The following CLEC9A variants were observed in gnomAD, a reference collection of about 807,000 sequenced individuals.
CLEC9A encodes C-type lectin domain family 9 member A.
In CLEC9A, 24 loss-of-function variants were observed where a neutral mutation model predicts 30.0. That is an observed-to-expected ratio of 0.80 (90% confidence interval 0.58 to 1.13). CLEC9A has a LOEUF of 1.13. Ranked by LOEUF, CLEC9A falls within the 50% of genes most tolerant of loss-of-function variation. CLEC9A has a pLI of 0.00. For synonymous variants in CLEC9A, 111 were observed against 96.8 expected (o/e 1.15, Z -0.86); for missense variants, 251 against 280.9 (o/e 0.89, Z 0.76).
At chr12:10,036,561 C>G (rs955910811) in intron 1 of CLEC9A, among the ~76,000 whole-genome samples, 7 of 152,184 alleles carry the variant, frequency 4.6e-5, no homozygotes, top group Non-Finnish European at 1.0e-4. Flanking sequence ...TAGTCAACAT[C>G]TTATTGCCCT....
chr12:10,054,606 T>C (rs180749381), intron 5 of CLEC9A, among the ~76,000 whole-genome samples: 5 of 152,336 alleles, frequency 3.3e-5, no homozygotes, highest in Admixed American at 2.6e-4. Flanking sequence ...TAATAACATA[T>C]TCTGATTCCA....
chr12:10,043,800 G>A (rs1476153329), intron 2 of CLEC9A, among the ~76,000 whole-genome samples: 2 of 151,968 alleles, frequency 1.3e-5, no homozygotes, highest in African/African-American at 4.8e-5. Flanking sequence ...TCATGCCTCA[G>A]CCTCCTGAGC....
chr12:10,061,186 G>A lies in CLEC9A; in HGVS notation c.232G>A (p.Ala78Thr), dbSNP rs762175291. ...QQEKLIQQERALLNFTEWKRS... is the reference protein window; with the variant it reads ...QQEKLIQQERTLLNFTEWKRS... The stretch of plus-strand genomic sequence containing the variant: ...AGAAAAACTCATCCAACAAGAGAGG[G>A]CACTGCTAAACTTTACAGAATGGAA... Residue 78 changes from alanine (A) to threonine (T), a missense_variant, in exon 6 of 9, where the codon GCA (alanine) becomes ACA (threonine). Ala to Thr is a moderately conservative substitution (Grantham distance 58, BLOSUM62 0). Transcript: ENST00000355819. 2 of 1,613,232 alleles carry A rather than the reference G, an allele frequency of 1.2e-6. No individual in the cohort carries two copies. The highest frequency in any genetic ancestry group is 2.2e-5 in the South Asian group (2 of 90,878).
chr12:10,039,338 T>C (rs1277745173), intron 1 of CLEC9A, among the ~76,000 whole-genome samples: 2 of 152,228 alleles, frequency 1.3e-5, no homozygotes, highest in Non-Finnish European at 2.9e-5. Context: ...CCAATTGTCC[T>C]ATACATAGCT....
intron 8 of CLEC9A, 144 bp from the exon 9 acceptor site, chr12:10,065,356 G>A (rs573566377): frequency 1.6e-5 from 12 of 744,666 alleles, no homozygotes; most frequent in Admixed American, 9.6e-5. Context: ...AGCAGTTACT[G>A]AAGAAGGAGG....
chr12:10,043,609 AGTGT>A (rs34659428), intron 2 of CLEC9A, among the ~76,000 whole-genome samples: 2,214 of 144,020 alleles, frequency 0.015, 51 homozygotes, highest in African/African-American at 0.054. Flanking sequence ...ACCATGGAAC[AGTGT>A]GTGTGTGTGT....
chr12:10,033,919 A>G (rs1337794411), intron 1 of CLEC9A, among the ~76,000 whole-genome samples: 1 of 152,262 alleles, frequency 6.6e-6, no homozygotes, highest in African/African-American at 2.4e-5. Flanking sequence ...AGCCAGAGTT[A>G]TCAAAGGCAT....
At chr12:10,032,744 A>T (rs1004237644) in intron 1 of CLEC9A, among the ~76,000 whole-genome samples, 1 of 151,864 alleles carries the variant, frequency 6.6e-6, no homozygotes, top group Non-Finnish European at 1.5e-5. Flanking sequence ...TGGCACTATC[A>T]ATTTCTTTTC....
At chr12:10,051,804 T>C (rs1344978015) in intron 2 of CLEC9A, among the ~76,000 whole-genome samples, 187 bp from the exon 3 acceptor site, 1 of 152,246 alleles carries the variant, frequency 6.6e-6, no homozygotes, top group East Asian at 1.9e-4. Flanking sequence ...AAATAATTCA[T>C]GCTTTCCTTC....
chr12:10,032,331 T>C (rs962267517), intron 1 of CLEC9A, among the ~76,000 whole-genome samples: 2 of 151,676 alleles, frequency 1.3e-5, no homozygotes, highest in African/African-American at 2.4e-5. Flanking sequence ...CGTAACATAA[T>C]CTATGCTCAA....
chr12:10,035,220 C>G (rs1865733343), intron 1 of CLEC9A, among the ~76,000 whole-genome samples: 1 of 152,162 alleles, frequency 6.6e-6, no homozygotes, highest in African/African-American at 2.4e-5. Flanking sequence ...CTGCTAGGGT[C>G]TTGGGGGTTT....
chr12:10,055,084 G>T (rs1865928624), intron 5 of CLEC9A, among the ~76,000 whole-genome samples: 1 of 152,162 alleles, frequency 6.6e-6, no homozygotes, highest in African/African-American at 2.4e-5. Flanking sequence ...CCTTGCTTAG[G>T]TAATGTCATG....
Position 10,064,717 on chromosome 12 carries a change from A to C in CLEC9A, c.472-15A>C, listed in dbSNP as rs201737600. On this transcript the variant is annotated splice_polypyrimidine_tract_variant and intron_variant, in intron 7 of 8. Transcript: ENST00000355819. Reference sequence around the variant, plus strand: ...TTTGTTTTTCTCATTTCACAGTTCAATTTTTGTCTCATAGGATTTTATCAC... The same window carrying C: ...TTTGTTTTTCTCATTTCACAGTTCACTTTTTGTCTCATAGGATTTTATCAC... The C allele has an allele frequency of 4.8e-6, 7 of 1,453,454 alleles. No individual in the cohort carries two copies. Among genetic ancestry groups the C allele is most frequent in the Non-Finnish European group, 6.3e-6 (7 of 1,103,614 alleles). 90.0% of individuals were successfully genotyped at this position (1,453,454 alleles called of 1,614,324 possible).
At chr12:10,037,040 A>G (rs1368540544) in intron 1 of CLEC9A, among the ~76,000 whole-genome samples, 4 of 152,210 alleles carry the variant, frequency 2.6e-5, no homozygotes, top group Admixed American at 2.0e-4. Context: ...CCTACCTTGT[A>G]AATAAAGACT....
chr12:10,052,445 C>G (rs1865901584), intron 3 of CLEC9A, 185 bp from the exon 4 acceptor site: 1 of 1,124,986 alleles, frequency 8.9e-7, no homozygotes, highest in African/African-American at 1.6e-5. Flanking sequence ...TATCATTGGC[C>G]ATTCTAAATT....
At chr12:10,042,683 G>A (rs1865807839) in intron 2 of CLEC9A, among the ~76,000 whole-genome samples, 1 of 152,118 alleles carries the variant, frequency 6.6e-6, no homozygotes, top group African/African-American at 2.4e-5. Context: ...CTAGAGAAAA[G>A]TAAACCAGGA....
At chr12:10,055,743 CATA>C (rs1194754035) in intron 5 of CLEC9A, among the ~76,000 whole-genome samples, 1 of 151,926 alleles carries the variant, frequency 6.6e-6, no homozygotes, top group Non-Finnish European at 1.5e-5. Context: ...TCATATACTA[CATA>C]ATAAGGATGA....
At chr12:10,043,745 G>A (rs865973893) in intron 2 of CLEC9A, among the ~76,000 whole-genome samples, 22 of 151,774 alleles carry the variant, frequency 1.4e-4, no homozygotes, top group African/African-American at 3.9e-4. Context: ...GCAGTGGTGC[G>A]ATCTTGGCTC....
At chr12:10,057,060 A>C (rs1338124076) in intron 5 of CLEC9A, among the ~76,000 whole-genome samples, 1 of 152,024 alleles carries the variant, frequency 6.6e-6, no homozygotes, top group African/African-American at 2.4e-5. Flanking sequence ...TTTAACACTT[A>C]AGGCTTTAAA....
Sources: allele counts gnomAD v4.1 joint callset (sites outside exome capture counted in the v4.1 genomes callset), GRCh38; gene constraint gnomAD v4.1.1; transcripts MANE v1.5; gene names NCBI Gene and HGNC (gene_info 2026-07-23, HGNC 2026-07-21).